SPATA6: variants seen among roughly 807,000 people sequenced by gnomAD.
The protein encoded by SPATA6 is spermatogenesis associated 6.
A neutral mutation model predicts 65.3 loss-of-function variants in SPATA6; 56 were observed. That is an observed-to-expected ratio of 0.86 (90% CI 0.69 to 1.07). The LOEUF is 1.07. Among genes scored for constraint, SPATA6 ranks in the 50% least tolerant of loss-of-function variants. The pLI, the probability that SPATA6 is intolerant of heterozygous loss-of-function variation, is 0.00. For synonymous variants in SPATA6, 199 were observed against 213.2 expected (o/e 0.93, Z 0.58); for missense variants, 590 against 594.8 (o/e 0.99, Z 0.08).
chr1:48,425,631 C>G (rs997934002), intron 3 of SPATA6, among the ~76,000 whole-genome samples: 1 of 152,034 alleles, frequency 6.6e-6, no homozygotes, highest in African/African-American at 2.4e-5. Context: ...AGAAACAGAA[C>G]AGAATCTAGA....
chr1:48,387,937 C>T (rs1649653595), intron 8 of SPATA6, among the ~76,000 whole-genome samples: 1 of 152,226 alleles, frequency 6.6e-6, no homozygotes, highest in South Asian at 2.1e-4. Context: ...CCATGCCACA[C>T]TGGCTACCCA....
intron 9 of SPATA6, among the ~76,000 whole-genome samples, chr1:48,377,085 C>G (rs182210408): frequency 3.3e-5 from 5 of 152,136 alleles, no homozygotes; most frequent in Admixed American, 3.3e-4. Flanking sequence ...TACTACCACC[C>G]CAATCTAACC....
intron 9 of SPATA6, among the ~76,000 whole-genome samples, chr1:48,368,560 G>T (rs1647114324): frequency 6.6e-6 from 1 of 152,012 alleles, no homozygotes. Flanking sequence ...TTCCATCACT[G>T]ATACCCTTTC....
the SPATA6 span, among the ~76,000 whole-genome samples, chr1:48,288,696 A>G: frequency 1.0e-3 from 158 of 152,306 alleles, no homozygotes; most frequent in African/African-American, 3.7e-3. Flanking sequence ...CCAGGATATT[A>G]CATCCCGTGC....
chr1:48,408,373 C>A (rs992190221), intron 5 of SPATA6, among the ~76,000 whole-genome samples: 9 of 152,152 alleles, frequency 5.9e-5, no homozygotes, highest in Non-Finnish European at 7.4e-5. Context: ...TTCAAATCAT[C>A]CACAGAACTT....
chr1:48,446,595 G>T (rs1656073169), intron 3 of SPATA6, among the ~76,000 whole-genome samples: 1 of 152,076 alleles, frequency 6.6e-6, no homozygotes, highest in Non-Finnish European at 1.5e-5. Flanking sequence ...AAATTTAAGG[G>T]TTTAAGTCAA....
At chr1:48,398,856 G>T (rs1650858394) in intron 7 of SPATA6, among the ~76,000 whole-genome samples, 1 of 151,694 alleles carries the variant, frequency 6.6e-6, no homozygotes, top group East Asian at 1.9e-4. Flanking sequence ...CATTTTCAAA[G>T]GCCTTCCCAT....
chr1:48,311,317 A>G (rs1205348832), intron 11 of SPATA6, among the ~76,000 whole-genome samples: 1 of 152,162 alleles, frequency 6.6e-6, no homozygotes, highest in Non-Finnish European at 1.5e-5. Context: ...TAGTTAGACC[A>G]AGGCTCTAAT....
chr1:48,420,519 G>A (rs905944938), intron 3 of SPATA6, among the ~76,000 whole-genome samples: 4 of 152,058 alleles, frequency 2.6e-5, no homozygotes, highest in African/African-American at 4.8e-5. Flanking sequence ...AAGTAGAAAG[G>A]GTCAAAATTA....
At position 48,360,331 on chromosome 1, in the gene SPATA6, G is replaced by C. The variant is rs117119202; in HGVS notation, c.910-561C>G. On this transcript the variant is annotated intron_variant, in intron 9 of 12. Coordinates refer to ENST00000371847, the MANE Select transcript of SPATA6 (RefSeq NM_019073.4). The stretch of plus-strand genomic sequence containing the variant: ...AAGAACTAGAATAGAGTGTGTTACA[G>C]GATATTAAGTAACATGAGAAGCAGG... Among the ~76,000 whole-genome samples, 155 of 152,210 alleles carry C rather than the reference G, an allele frequency of 1.0e-3. 2 individuals are homozygous for C. In the East Asian group the frequency reaches 0.029, roughly 28 times the overall value.
the SPATA6 span, among the ~76,000 whole-genome samples, chr1:48,277,314 C>T: frequency 6.6e-6 from 1 of 152,090 alleles, no homozygotes; most frequent in Non-Finnish European, 1.5e-5. Context: ...CTAGGGAGTG[C>T]CAGACAGTGG....
the SPATA6 span, among the ~76,000 whole-genome samples, chr1:48,264,444 C>A: frequency 1.3e-5 from 2 of 152,088 alleles, no homozygotes; most frequent in South Asian, 2.1e-4. Flanking sequence ...TAGGTACACA[C>A]GTACCATGGT....
chr1:48,471,169 G>T (rs1252779919), intron 1 of SPATA6, among the ~76,000 whole-genome samples: 1 of 152,240 alleles, frequency 6.6e-6, no homozygotes, highest in Non-Finnish European at 1.5e-5. Context: ...CACTGGATGA[G>T]TGGGGTTCTC....
At chr1:48,407,541 T>G (rs1416452779) in intron 5 of SPATA6, among the ~76,000 whole-genome samples, 2 of 152,180 alleles carry the variant, frequency 1.3e-5, no homozygotes, top group African/African-American at 2.4e-5. Flanking sequence ...AGCTGTTGAT[T>G]TTTGCACTAG....
chr1:48,366,474 A>C (rs532633522), intron 9 of SPATA6, among the ~76,000 whole-genome samples: 2,193 of 152,130 alleles, frequency 0.014, 53 homozygotes, highest in African/African-American at 0.05. Context: ...ACAATTTCAG[A>C]GGCTGTTATT....
chr1:48,338,453 G>A (rs889136792), intron 11 of SPATA6, among the ~76,000 whole-genome samples: 3 of 151,998 alleles, frequency 2.0e-5, no homozygotes, highest in Non-Finnish European at 2.9e-5. Context: ...GCTATCTCAC[G>A]ATACTTAAGA....
chr1:48,376,096 C>T (rs1358990694), intron 9 of SPATA6, among the ~76,000 whole-genome samples: 1 of 152,150 alleles, frequency 6.6e-6, no homozygotes, highest in Non-Finnish European at 1.5e-5. Context: ...CAGCATTTAT[C>T]CCACTATTCC....
chr1:48,412,508 T>A (rs1652340784), intron 4 of SPATA6, among the ~76,000 whole-genome samples: 2 of 152,236 alleles, frequency 1.3e-5, no homozygotes, highest in South Asian at 4.1e-4. Context: ...TGTATTAAAG[T>A]GACATTTATG....
chr1:48,313,801 T>C (rs1217942901), intron 11 of SPATA6, among the ~76,000 whole-genome samples: 1 of 152,204 alleles, frequency 6.6e-6, no homozygotes, highest in South Asian at 2.1e-4. Flanking sequence ...AGGAGACCCA[T>C]CTTATGTGCA....
Sources: allele counts gnomAD v4.1 joint callset (sites outside exome capture counted in the v4.1 genomes callset), GRCh38; gene constraint gnomAD v4.1.1; transcripts MANE v1.5; gene names NCBI Gene and HGNC (gene_info 2026-07-23, HGNC 2026-07-21).